The following DNAH5 variants were observed in gnomAD, a reference collection of about 807,000 sequenced individuals.
The protein encoded by DNAH5 is axonemal beta dynein heavy chain 5.
In DNAH5, 372 loss-of-function variants were observed where a neutral mutation model predicts 518.2. That is an observed-to-expected ratio of 0.72 (90% confidence interval 0.66 to 0.78). DNAH5 has a LOEUF of 0.78. DNAH5 is among the 30% of genes least tolerant of loss of function. The probability of loss-of-function intolerance (pLI) is 0.00; values close to 1 mark genes in which losing one functional copy is unlikely to be tolerated. For missense variants in DNAH5, 5,523 were observed against 5,687.0 expected (o/e 0.97, Z 0.93); for synonymous variants, 2,039 against 2,025.9 (o/e 1.01, Z -0.17).
intron 75 of DNAH5, among the ~76,000 whole-genome samples, chr5:13,711,138 A>G (rs1195377177): frequency 6.6e-6 from 1 of 152,208 alleles, no homozygotes; most frequent in Non-Finnish European, 1.5e-5. Context: ...AGCTAACTGA[A>G]TCCAACAACA....
At chr5:13,996,799 G>A (rs1295702915) in intron 1 of DNAH5, among the ~76,000 whole-genome samples, 1 of 152,226 alleles carries the variant, frequency 6.6e-6, no homozygotes, top group Non-Finnish European at 1.5e-5. Context: ...GGCTGGGGTT[G>A]CACACTGATG....
At chr5:13,842,433 A>AGAG (rs1561407131) in intron 32 of DNAH5, among the ~76,000 whole-genome samples, 4 of 61,860 alleles carry the variant, frequency 6.5e-5, no homozygotes, top group African/African-American at 2.6e-4. Flanking sequence ...AAAAGAAAGA[A>AGAG]AGAAAGAAAG....
At chr5:13,900,136 A>T in intron 15 of DNAH5, 70 bp downstream of exon 15, 1 of 1,357,638 alleles carries the variant, frequency 7.4e-7, no homozygotes, top group Non-Finnish European at 1.0e-6. Context: ...AATATGACAC[A>T]TCACCATATT....
At chr5:13,861,492 A>G (rs1768406782) in intron 29 of DNAH5, among the ~76,000 whole-genome samples, 1 of 152,242 alleles carries the variant, frequency 6.6e-6, no homozygotes, top group Non-Finnish European at 1.5e-5. Flanking sequence ...TCTCAATGGT[A>G]TCCACTTTCT....
At chr5:13,851,889 G>C (rs1450272002) in intron 30 of DNAH5, among the ~76,000 whole-genome samples, 1 of 151,950 alleles carries the variant, frequency 6.6e-6, no homozygotes, top group Admixed American at 6.6e-5. Context: ...TCATCTCATT[G>C]GGACTGGTCA....
chr5:13,770,679 C>A (rs1753211994), intron 56 of DNAH5, 70 bp downstream of exon 56: 3 of 1,420,560 alleles, frequency 2.1e-6, no homozygotes, highest in Admixed American at 3.6e-5. Flanking sequence ...AAAATAGCCA[C>A]CAGGGCAAAT....
chr5:13,735,344 C>T, intron 67 of DNAH5, 23 bp from the exon 68 acceptor site: 1 of 1,608,700 alleles, frequency 6.2e-7, no homozygotes, highest in Non-Finnish European at 8.5e-7. Context: ...ATATTTAAAT[C>T]AGGCTTATCC....
intron 41 of DNAH5, among the ~76,000 whole-genome samples, chr5:13,819,975 G>A (rs1050655551): frequency 3.3e-5 from 5 of 151,976 alleles, no homozygotes; most frequent in Non-Finnish European, 7.4e-5. Context: ...TTTTAAGCGC[G>A]CCCTGACCTT....
chr5:13,781,764 T>A (rs1158143602), intron 52 of DNAH5, among the ~76,000 whole-genome samples: 1 of 152,144 alleles, frequency 6.6e-6, no homozygotes. Flanking sequence ...CTTGGGTATG[T>A]CTTTATCAGC....
At chr5:13,927,968 C>A in intron 3 of DNAH5, 126 bp downstream of exon 3, 2 of 745,784 alleles carry the variant, frequency 2.7e-6, no homozygotes, top group Non-Finnish European at 4.7e-6. Flanking sequence ...CATGGACCCA[C>A]ACACGCATCT....
chr5:13,864,404 T>C lies in DNAH5; in HGVS notation c.4589A>G (p.Glu1530Gly), dbSNP rs1445337310. ...MEAPLLKYKE[E>G]IEDICISAVK... The stretch of plus-strand genomic sequence containing the variant: ...CATCACATCATACTCTACCTCTATT[T>C]CCTCTTTATATTTCAGAAGAGGTGC... Residue 1530 changes from glutamate to glycine, a missense_variant, in exon 28 of 79, where the codon GAA (glutamate) becomes GGA (glycine). By Grantham distance (98) the Glu-to-Gly change is moderately conservative. Around this residue, in one of 3 missense-constraint regions of DNAH5, gnomAD observed 5,121 missense variants for 5,223.3 expected, o/e 0.98. Transcript: ENST00000265104. 1 of 1,613,832 alleles carries C rather than the reference T, an allele frequency of 6.2e-7. No individual in the cohort carries two copies. The highest frequency in any genetic ancestry group is 8.5e-7 in the Non-Finnish European group (1 of 1,179,986).
Position 13,735,317 on chromosome 5 carries a change from C to G in DNAH5, c.11575G>C (p.Val3859Leu), listed in dbSNP as rs1747226969. The G allele has an allele frequency of 6.2e-7, 1 of 1,613,910 alleles. No individual in the cohort carries two copies. Among genetic ancestry groups the G allele is most frequent in the East Asian group, 2.2e-5 (1 of 44,836 alleles). The change falls in exon 68 of 79, where the codon GTC becomes CTC. Residue 3859 changes from valine to leucine, a missense_variant. Val to Leu is a conservative substitution (Grantham distance 32). This residue lies in a region of DNAH5 where 5,121 missense variants were observed against 5,223.3 expected (regional missense o/e 0.98). Coordinates refer to ENST00000265104, the MANE Select transcript of DNAH5 (RefSeq NM_001369.3). ...GLFDLSLARS[V>L]KSPITSKRIA... ...CTCTTGCTTGTAATCGGGCTCTTGA[C>G]AGACCTGGTGAATAGAATATTTAAA...
intron 61 of DNAH5, among the ~76,000 whole-genome samples, chr5:13,754,620 C>A (rs946124108): frequency 3.9e-5 from 6 of 152,048 alleles, no homozygotes; most frequent in African/African-American, 7.2e-5. Context: ...CTCACTGCAA[C>A]CTCTGCCTCC....
intron 1 of DNAH5, among the ~76,000 whole-genome samples, chr5:13,953,789 C>A (rs1780586072): frequency 6.6e-6 from 1 of 152,106 alleles, no homozygotes; most frequent in Non-Finnish European, 1.5e-5. Flanking sequence ...CTTGATGCAA[C>A]CTCTGCCTCC....
At chr5:13,711,495 A>G (rs1743467846) in intron 75 of DNAH5, among the ~76,000 whole-genome samples, 1 of 152,212 alleles carries the variant, frequency 6.6e-6, no homozygotes, top group Non-Finnish European at 1.5e-5. Flanking sequence ...CCTCTTCAAT[A>G]CAGCACTGGA....
intron 21 of DNAH5, among the ~76,000 whole-genome samples, chr5:13,881,582 A>G (rs1249608387): frequency 1.3e-5 from 2 of 152,102 alleles, no homozygotes; most frequent in East Asian, 3.8e-4. Context: ...AACTTCTCAA[A>G]TCAGGTCAAA....
At chr5:13,780,541 C>T (rs893459890) in intron 53 of DNAH5, among the ~76,000 whole-genome samples, 1 of 152,150 alleles carries the variant, frequency 6.6e-6, no homozygotes, top group Non-Finnish European at 1.5e-5. Context: ...GGACAATTGT[C>T]TTCTGAAATT....
chr5:13,842,934 C>T (rs1234117408), intron 32 of DNAH5, among the ~76,000 whole-genome samples: 1 of 152,166 alleles, frequency 6.6e-6, no homozygotes, highest in South Asian at 2.1e-4. Flanking sequence ...GGGAGCTACA[C>T]AGTAAATAAG....
chr5:13,771,617 T>A (rs1004500488), intron 55 of DNAH5, among the ~76,000 whole-genome samples: 1 of 152,168 alleles, frequency 6.6e-6, no homozygotes, highest in African/African-American at 2.4e-5. Context: ...TTCCCTGCTA[T>A]GGGAATAGGC....
Sources: gnomAD v4.1 joint callset for allele counts (sites outside exome capture counted in the v4.1 genomes callset) on GRCh38, gnomAD v4.1.1 for gene constraint, gnomAD v4.1.1 regional missense constraint, MANE v1.5 for transcripts, NCBI Gene and HGNC (gene_info 2026-07-23, HGNC 2026-07-21) for gene names.